SIN3A: variants seen among roughly 807,000 people sequenced by gnomAD.
SIN3A encodes the protein SIN3 transcription regulator family member A.
In SIN3A, 14 loss-of-function variants were observed where a neutral mutation model predicts 146.1. The ratio of observed to expected loss-of-function variants is 0.10; its 90% CI spans 0.06 to 0.15. SIN3A has a LOEUF of 0.15. SIN3A is among the 10% of genes least tolerant of loss of function. The pLI, the probability that SIN3A is intolerant of heterozygous loss-of-function variation, is 1.00. For synonymous variants in SIN3A, 572 were observed against 572.0 expected (o/e 1.00, Z 0.00); for missense variants, 1,028 against 1,576.0 (o/e 0.65, Z 5.89).
At chr15:75,407,889 T>C (rs1194089345) in intron 8 of SIN3A, among the ~76,000 whole-genome samples, 16 of 56,814 alleles carry the variant, frequency 2.8e-4, no homozygotes, top group Non-Finnish European at 4.1e-4. Context: ...TGAGACTCCA[T>C]CTCAAAAAAA....
At chr15:75,444,028 T>G (rs538628457) in intron 1 of SIN3A, among the ~76,000 whole-genome samples, 1 of 152,346 alleles carries the variant, frequency 6.6e-6, no homozygotes, top group East Asian at 1.9e-4. Context: ...TGAGAATTGA[T>G]GAGTAATGAT....
intron 3 of SIN3A, chr15:75,416,030 A>AT: frequency 6.3e-6 from 2 of 319,516 alleles, no homozygotes. Context: ...AAACATGTGC[A>AT]TTTTTGGTAA....
At chr15:75,410,442 G>GAAAA (rs376579588) in intron 6 of SIN3A, among the ~76,000 whole-genome samples, 156 bp from the exon 7 acceptor site, 2 of 145,472 alleles carry the variant, frequency 1.4e-5, no homozygotes, top group Non-Finnish European at 3.0e-5. Context: ...TTCAAGTTGA[G>GAAAA]AAAAAAAAAA....
At chr15:75,429,940 G>T in intron 2 of SIN3A, 1 of 371,260 alleles carries the variant, frequency 2.7e-6, no homozygotes, top group Non-Finnish European at 4.8e-6. Context: ...ACAAAGTTTA[G>T]ATCAGTGGCT....
chr15:75,394,467 A>G (rs1337246351), intron 14 of SIN3A, among the ~76,000 whole-genome samples: 2 of 152,194 alleles, frequency 1.3e-5, no homozygotes, highest in East Asian at 1.9e-4. Context: ...AGGACAGTAA[A>G]CTAGGAAACT....
At chr15:75,426,696 G>T (rs141379462) in intron 2 of SIN3A, among the ~76,000 whole-genome samples, 1 of 152,232 alleles carries the variant, frequency 6.6e-6, no homozygotes, top group South Asian at 2.1e-4. Flanking sequence ...TTGGGAGGCC[G>T]AGTCGGGCAG....
rs942784217 is a variant in SIN3A, at chr15:75,371,353, GGA to G, written c.*624_*625del. ...GAACTCGTTGAGGTTGAGAACCAGA[GGA>G]GAGAAAAGGGTAGGCAGCAAGGGAA... On this transcript the variant is annotated 3_prime_UTR_variant, in exon 21 of 21. Transcript: ENST00000394947. 2.6e-5 allele frequency: 4 copies of G among 152,380 alleles called. No homozygotes were observed. The highest frequency in any genetic ancestry group is 4.4e-5 in the Non-Finnish European group (3 of 68,048). The allele number at this position is 152,380 out of a possible 1,614,324, so 9.4% of individuals were successfully genotyped here. A position where few individuals can be genotyped will look rare whatever the true frequency, so the allele number is the denominator to read the frequency against.
rs1037157691 is a variant in SIN3A at position 75,420,664 on chromosome 15, G to C, written c.366+1983C>G. 2.6e-5 allele frequency: 4 copies of C among 152,306 alleles called. 1 individual carries two copies. The South Asian group carries it at 8.3e-4, about 32-fold the overall frequency. 9.4% of individuals were successfully genotyped at this position (152,306 alleles called of 1,614,324 possible). ...GGCCTCCCAAAGTGCTGGGATTACAGGTGTAAGCCACCATGCCCGGCCTAC... is the reference window on the plus strand; with the variant it reads ...GGCCTCCCAAAGTGCTGGGATTACACGTGTAAGCCACCATGCCCGGCCTAC... On this transcript the variant is annotated intron_variant, in intron 3 of 20. Coordinates refer to ENST00000394947, the MANE Select transcript of SIN3A (RefSeq NM_001145358.2).
At chr15:75,413,364 G>A (rs1181815910) in intron 4 of SIN3A, among the ~76,000 whole-genome samples, 15 of 151,824 alleles carry the variant, frequency 9.9e-5, no homozygotes, top group East Asian at 3.9e-4. Flanking sequence ...CAGGTGATCC[G>A]CCCACCTTGG....
At position 75,383,755 on chromosome 15, in the gene SIN3A, GA is replaced by G. The variant is rs1351954153; in HGVS notation, c.3195+508del. ...TTCTACCTCATTCTCCTGAGTAGCT[GA>G]GACTACAGGTGCACGCTACCATGCC... On this transcript the variant is annotated intron_variant, in intron 17 of 20. Transcript: ENST00000394947. 1.3e-5 allele frequency among the ~76,000 whole-genome samples: 2 copies of G among 152,082 alleles called. 1 individual carries two copies.
At chr15:75,384,033 G>C (rs2073034769) in intron 17 of SIN3A, 1 of 270,218 alleles carries the variant, frequency 3.7e-6, no homozygotes, top group Non-Finnish European at 6.8e-6. Context: ...ATACAAAATT[G>C]TAAAAATCAT....
Position 75,371,700 on chromosome 15 carries a change from C to T in SIN3A, c.*279G>A. The T allele has an allele frequency of 2.3e-6, 1 of 436,846 alleles. No homozygotes were observed. The highest frequency in any genetic ancestry group is 4.1e-6 in the Non-Finnish European group (1 of 243,540). The allele number at this position is 436,846 out of a possible 1,614,324, so 27.1% of individuals were successfully genotyped here. On this transcript the variant is annotated 3_prime_UTR_variant, in exon 21 of 21. Coordinates refer to ENST00000394947, the MANE Select transcript of SIN3A (RefSeq NM_001145358.2). ...TCTGCTGGTGTGTGCAAGCAAACTG[C>T]ATGTCTTTGCTTGCATGGACTTCCT...
chr15:75,421,924 A>G (rs139657091), intron 3 of SIN3A: 50 of 152,220 alleles, frequency 3.3e-4, no homozygotes, highest in African/African-American at 1.2e-3. Flanking sequence ...TACTCAGCAG[A>G]AAATATGAAA....
chr15:75,432,933 T>C (rs917094977), intron 1 of SIN3A, among the ~76,000 whole-genome samples: 1 of 151,972 alleles, frequency 6.6e-6, no homozygotes, highest in South Asian at 2.1e-4. Flanking sequence ...TCCCAGCTAC[T>C]TGGGACGCTG....
At position 75,389,780 on chromosome 15, in the gene SIN3A, T is replaced by C. The variant is rs748986171; in HGVS notation, c.2893A>G (p.Met965Val). 1.2e-6 allele frequency: 2 copies of C among 1,614,114 alleles called. No homozygotes were observed. Among genetic ancestry groups the C allele is most frequent in the Middle Eastern group, 1.6e-4 (1 of 6,062 alleles). ...VEDYYPAFLD[M>V]VRSLLDGNID... ...TTGCCATCCAGCAGGCTCCGCACCA[T>C]GTCCAGGAAAGCTGGGTAATAATCT... The change falls in exon 16 of 21, where the codon ATG becomes GTG. Residue 965 changes from methionine (M) to valine (V), a missense_variant. Coordinates refer to ENST00000394947, the MANE Select transcript of SIN3A (RefSeq NM_001145358.2).
intron 2 of SIN3A, among the ~76,000 whole-genome samples, chr15:75,424,894 A>G (rs1265574009): frequency 6.6e-6 from 1 of 152,236 alleles, no homozygotes; most frequent in Non-Finnish European, 1.5e-5. Context: ...CAGATTAGCC[A>G]TTTTTAAGCC....
chr15:75,409,131 G>C (rs2073577149), intron 8 of SIN3A, among the ~76,000 whole-genome samples: 1 of 152,016 alleles, frequency 6.6e-6, no homozygotes, highest in South Asian at 2.1e-4. Context: ...TTGAACCCGG[G>C]AGGCAGAGGT....
At chr15:75,412,547 T>G (rs2073660299) in intron 5 of SIN3A, among the ~76,000 whole-genome samples, 2 of 152,218 alleles carry the variant, frequency 1.3e-5, no homozygotes. Flanking sequence ...AGAAAGACCT[T>G]GAAAGTTGTT....
At position 75,384,245 on chromosome 15, in the gene SIN3A, C is replaced by T; in HGVS notation, c.3195+19G>A. 2 of 1,585,732 alleles carry T rather than the reference C, an allele frequency of 1.3e-6. No homozygotes were observed. The highest frequency in any genetic ancestry group is 8.6e-7 in the Non-Finnish European group (1 of 1,164,224). On this transcript the variant is annotated intron_variant, in intron 17 of 20. Coordinates refer to ENST00000394947, the MANE Select transcript of SIN3A (RefSeq NM_001145358.2). ...ACATTGTCACCAGCAAGGTCTTCGACTACCTGACCAACTCTCACCTTAAAG... is the reference window on the plus strand; with the variant it reads ...ACATTGTCACCAGCAAGGTCTTCGATTACCTGACCAACTCTCACCTTAAAG...
Sources: allele counts gnomAD v4.1 joint callset (sites outside exome capture counted in the v4.1 genomes callset), GRCh38; gene constraint gnomAD v4.1.1; transcripts MANE v1.5; gene names NCBI Gene and HGNC (gene_info 2026-07-23, HGNC 2026-07-21).